The following MYCT1 variants were observed in gnomAD, a reference collection of about 807,000 sequenced individuals.
The protein encoded by MYCT1 is MYC target 1, also known as myc target protein 1.
In MYCT1, 12 loss-of-function variants were observed where a neutral mutation model predicts 15.0. The observed-to-expected ratio is 0.80, with a 90% CI of 0.51 to 1.29. The LOEUF (loss-of-function observed/expected upper bound fraction) is 1.29. MYCT1 is among the 50% of genes most tolerant of loss of function. MYCT1 has a pLI of 0.00. For missense variants in MYCT1, 287 were observed against 279.1 expected (o/e 1.03, Z -0.20); for synonymous variants, 104 against 102.7 (o/e 1.01, Z -0.07).
the MYCT1 span, among the ~76,000 whole-genome samples, chr6:152,740,437 C>G: frequency 6.6e-6 from 1 of 152,142 alleles, no homozygotes; most frequent in Non-Finnish European, 1.5e-5. Context: ...TGCTTCTTTT[C>G]TTACTGTTTA....
At chr6:152,706,843 A>G (rs1329640539) in intron 1 of MYCT1, among the ~76,000 whole-genome samples, 6 of 120,982 alleles carry the variant, frequency 5.0e-5, no homozygotes, top group East Asian at 2.8e-4. Flanking sequence ...TATAGAAACC[A>G]TATATGTGTG....
At chr6:152,735,719 A>G in the MYCT1 span, among the ~76,000 whole-genome samples, 12 of 152,116 alleles carry the variant, frequency 7.9e-5, no homozygotes, top group African/African-American at 2.9e-4. Flanking sequence ...TTTCTAAAGT[A>G]TTATAACATT....
intron 1 of MYCT1, among the ~76,000 whole-genome samples, chr6:152,705,105 T>C (rs915721049): frequency 6.6e-6 from 1 of 152,152 alleles, no homozygotes; most frequent in African/African-American, 2.4e-5. Context: ...CAGATGCTCG[T>C]CCATTTACGA....
downstream of MYCT1, among the ~76,000 whole-genome samples, chr6:152,728,525 G>T (rs2129071678): frequency 6.7e-6 from 1 of 148,372 alleles, no homozygotes; most frequent in East Asian, 2.0e-4. Context: ...TGGTGAAAAT[G>T]AACATAAAGA....
At position 152,721,903 on chromosome 6, in the gene MYCT1, C is replaced by T. The variant is rs752798003; in HGVS notation, c.358C>T (p.Leu120Phe). ...ATCTAGGTCTTCTTACACCCACGGCCTCAACAGAACTGGATTTTACCGCCA... is the reference window on the plus strand; with the variant it reads ...ATCTAGGTCTTCTTACACCCACGGCTTCAACAGAACTGGATTTTACCGCCA... ...RRSRSSYTHG[L>F]NRTGFYRHSG... is the part of the protein sequence containing the mutation. Residue 120 changes from leucine to phenylalanine, a missense_variant, in exon 2 of 2, where the codon CTC becomes TTC. Leu to Phe is a conservative substitution (Grantham distance 22, BLOSUM62 0). Coordinates refer to ENST00000367245, the MANE Select transcript of MYCT1 (RefSeq NM_025107.3). 1.2e-6 allele frequency: 2 copies of T among 1,614,076 alleles called. No individual in the cohort carries two copies. Among genetic ancestry groups the T allele is most frequent in the Admixed American group, 1.7e-5 (1 of 60,004 alleles).
Position 152,724,511 on chromosome 6 carries a change from T to G in MYCT1, c.*2258T>G, listed in dbSNP as rs1165489616. 3 of 152,204 alleles carry G rather than the reference T, an allele frequency of 2.0e-5. No individual in the cohort carries two copies. The highest frequency in any genetic ancestry group is 7.2e-5 in the African/African-American group (3 of 41,458). 9.4% of individuals were successfully genotyped at this position (152,204 alleles called of 1,614,324 possible). ...TAAAGCAAAAACTGGAGACTTTTAATGTATTTCTTTAATTTGAAATGTTTT... is the reference window on the plus strand; with the variant it reads ...TAAAGCAAAAACTGGAGACTTTTAAGGTATTTCTTTAATTTGAAATGTTTT... On this transcript the variant is annotated 3_prime_UTR_variant, in exon 2 of 2. Coordinates refer to ENST00000367245, the MANE Select transcript of MYCT1 (RefSeq NM_025107.3).
chr6:152,725,093 A>G (rs1361661514), downstream of MYCT1, among the ~76,000 whole-genome samples: 1 of 150,478 alleles, frequency 6.6e-6, no homozygotes, highest in Non-Finnish European at 1.5e-5. Flanking sequence ...AATAAATTAC[A>G]AAGGAAAATA....
chr6:152,729,155 C>T (rs2099726145), downstream of MYCT1, among the ~76,000 whole-genome samples: 1 of 152,124 alleles, frequency 6.6e-6, no homozygotes, highest in Non-Finnish European at 1.5e-5. Flanking sequence ...AGGAAAAGAA[C>T]TCTAACAATA....
chr6:152,736,575 A>G, the MYCT1 span, among the ~76,000 whole-genome samples: 1 of 152,142 alleles, frequency 6.6e-6, no homozygotes, highest in Non-Finnish European at 1.5e-5. Flanking sequence ...CGGTGGGTGT[A>G]TAAGGTCATG....
At chr6:152,698,758 A>G (rs1429881435) in intron 1 of MYCT1, among the ~76,000 whole-genome samples, 2 of 152,358 alleles carry the variant, frequency 1.3e-5, no homozygotes, top group South Asian at 2.1e-4. Flanking sequence ...GTAACATTCA[A>G]TGGAATCCTA....
downstream of MYCT1, among the ~76,000 whole-genome samples, chr6:152,726,920 C>T (rs2129071482): frequency 6.6e-6 from 1 of 152,078 alleles, no homozygotes; most frequent in Non-Finnish European, 1.5e-5. Context: ...TATCTAAGTA[C>T]TTCTTCTCAA....
chr6:152,737,600 A>C, the MYCT1 span, among the ~76,000 whole-genome samples: 1 of 152,074 alleles, frequency 6.6e-6, no homozygotes. Context: ...TTCACTCTCC[A>C]CTGTCTGTGA....
rs572971415 is a variant in MYCT1 at position 152,724,251 on chromosome 6, T to C, written c.*1998T>C. The C allele has an allele frequency of 2.4e-4, 36 of 150,754 alleles. No individual in the cohort carries two copies. The highest frequency in any genetic ancestry group is 8.6e-4 in the African/African-American group (35 of 40,800). The allele number at this position is 150,754 out of a possible 1,614,324, so 9.3% of individuals were successfully genotyped here. On this transcript the variant is annotated 3_prime_UTR_variant, in exon 2 of 2. Coordinates refer to ENST00000367245, the MANE Select transcript of MYCT1 (RefSeq NM_025107.3). Reference sequence around the variant, plus strand: ...AGGGCTACTTTTTTTTTTTTTTTTTTACTTGCATGTCATCCTTAATGTCTA... The same window carrying C: ...AGGGCTACTTTTTTTTTTTTTTTTTCACTTGCATGTCATCCTTAATGTCTA...
At chr6:152,729,452 T>G (rs929202856), downstream of MYCT1, among the ~76,000 whole-genome samples, 2 of 152,154 alleles carry the variant, frequency 1.3e-5, no homozygotes, top group African/African-American at 4.8e-5. Flanking sequence ...TCTGTATACA[T>G]AAGTATGAAA....
intron 1 of MYCT1, among the ~76,000 whole-genome samples, chr6:152,702,047 A>T (rs977947607): frequency 2.0e-5 from 3 of 152,204 alleles, no homozygotes; most frequent in Admixed American, 6.5e-5. Flanking sequence ...GAAGCTGGAA[A>T]TAAGTACCAG....
intron 1 of MYCT1, among the ~76,000 whole-genome samples, chr6:152,704,517 C>G (rs950431510): frequency 6.6e-6 from 1 of 152,038 alleles, no homozygotes; most frequent in African/African-American, 2.4e-5. Context: ...GAGTGAAACA[C>G]CAAAACAAGT....
At chr6:152,743,450 A>C in the MYCT1 span, among the ~76,000 whole-genome samples, 1 of 152,190 alleles carries the variant, frequency 6.6e-6, no homozygotes, top group Non-Finnish European at 1.5e-5. Flanking sequence ...CCCCGTTAGG[A>C]TGCATCTCAA....
At chr6:152,702,970 T>C (rs1458285285) in intron 1 of MYCT1, among the ~76,000 whole-genome samples, 3 of 152,220 alleles carry the variant, frequency 2.0e-5, no homozygotes, top group African/African-American at 7.2e-5. Context: ...AAGACTGGAC[T>C]TTTTAATACA....
At position 152,721,916 on chromosome 6, in the gene MYCT1, G is replaced by A; in HGVS notation, c.371G>A (p.Gly124Glu). The change falls in exon 2 of 2, where the codon GGA (glycine) becomes GAA (glutamate). Residue 124 changes from glycine to glutamate, a missense_variant. Physicochemically the swap from Gly to Glu is moderately conservative, Grantham distance 98 (BLOSUM62 -2). Transcript: ENST00000367245. ...TACACCCACGGCCTCAACAGAACTG[G>A]ATTTTACCGCCACAGTGGCTGTGAA... ...SSYTHGLNRTGFYRHSGCERR... is the reference protein window; with the variant it reads ...SSYTHGLNRTEFYRHSGCERR... 1 of 1,614,092 alleles carries A rather than the reference G, an allele frequency of 6.2e-7. No homozygotes were observed. Among genetic ancestry groups the A allele is most frequent in the Non-Finnish European group, 8.5e-7 (1 of 1,179,994 alleles).
Sources: gnomAD v4.1 joint callset for allele counts (sites outside exome capture counted in the v4.1 genomes callset) on GRCh38, gnomAD v4.1.1 for gene constraint, MANE v1.5 for transcripts, NCBI Gene and HGNC (gene_info 2026-07-23, HGNC 2026-07-21) for gene names.